The following SEC61A2 variants were observed in gnomAD, a reference collection of about 807,000 sequenced individuals.
SEC61A2 encodes SEC61 translocon subunit alpha 2.
SEC61A2 carries 28 observed loss-of-function variants against 59.9 expected under a neutral mutation model. The observed-to-expected ratio is 0.47, with a 90% CI of 0.35 to 0.64. SEC61A2 has a LOEUF of 0.64. Among genes scored for constraint, SEC61A2 ranks in the 30% least tolerant of loss-of-function variants. SEC61A2 has a pLI of 0.01. For missense variants in SEC61A2, 340 were observed against 585.9 expected (o/e 0.58, Z 4.33); for synonymous variants, 202 against 214.4 (o/e 0.94, Z 0.50).
At position 12,149,765 on chromosome 10, in the gene SEC61A2, G is replaced by C. The variant is rs765085815; in HGVS notation, c.352+39G>C. ...CAATTAAAGAGCATTCTCCAAATTTGAGAGTGCTCGTGGTAAAGATGTTTT... is the reference window on the plus strand; with the variant it reads ...CAATTAAAGAGCATTCTCCAAATTTCAGAGTGCTCGTGGTAAAGATGTTTT... On this transcript the variant is annotated intron_variant, in intron 5 of 11. Coordinates refer to ENST00000298428, the MANE Select transcript of SEC61A2 (RefSeq NM_018144.4). The surrounding 1 kb of genome is among the most constrained non-coding windows in gnomAD (Gnocchi z 5.2). The C allele has an allele frequency of 6.2e-6, 10 of 1,606,446 alleles. No individual in the cohort carries two copies. Among genetic ancestry groups the C allele is most frequent in the Admixed American group, 3.4e-5 (2 of 58,676 alleles).
chr10:12,167,190 G>T (rs2131692142), downstream of SEC61A2: 1 of 159,034 alleles, frequency 6.3e-6, no homozygotes, highest in South Asian at 1.8e-4. Flanking sequence ...CCCTACCCTA[G>T]TTGGATTCAA....
At position 12,164,539 on chromosome 10, in the gene SEC61A2, T is replaced by A; in HGVS notation, c.*85T>A. The stretch of plus-strand genomic sequence containing the variant: ...GTCAGATGACACTGGTGGCTCCCCT[T>A]TTCTCCCCTCACAGTTTCTTGTTTC... On this transcript the variant is annotated 3_prime_UTR_variant, in exon 12 of 12. Transcript: ENST00000298428. This position sits in a 1 kb window ranked among gnomAD's most constrained non-coding sequence, Gnocchi z 7.3. 1.3e-6 allele frequency: 2 copies of A among 1,528,644 alleles called. No homozygotes were observed. The highest frequency in any genetic ancestry group is 2.1e-5 in the Admixed American group (1 of 47,138). 94.7% of individuals were successfully genotyped at this position (1,528,644 alleles called of 1,614,324 possible).
In SEC61A2 at chr10:12,140,121, C is replaced by T. The variant is rs537701613; in HGVS notation, c.142-2996C>T. Reference sequence around the variant, plus strand: ...AATTACTTGATTGGCTACAGCTAGGCGTTTGCCTCATTTGATTATGTTCCA... The same window carrying T: ...AATTACTTGATTGGCTACAGCTAGGTGTTTGCCTCATTTGATTATGTTCCA... On this transcript the variant is annotated intron_variant, in intron 3 of 11. Transcript: ENST00000298428. Among the ~76,000 whole-genome samples, 4 of 152,212 alleles carry T rather than the reference C, an allele frequency of 2.6e-5. No individual in the cohort carries two copies. In the South Asian group the frequency reaches 8.3e-4, roughly 32 times the overall value.
intron 9 of SEC61A2, among the ~76,000 whole-genome samples, chr10:12,159,123 G>A (rs974752916): frequency 2.6e-5 from 4 of 151,570 alleles, no homozygotes; most frequent in East Asian, 2.0e-4. Flanking sequence ...GACTACAGGC[G>A]CCCGCCACCA....
chr10:12,164,470 A>G lies in SEC61A2; in HGVS notation c.*16A>G. The G allele has an allele frequency of 6.2e-7, 1 of 1,607,260 alleles. No homozygotes were observed. Among genetic ancestry groups the G allele is most frequent in the Non-Finnish European group, 8.5e-7 (1 of 1,175,996 alleles). The stretch of plus-strand genomic sequence containing the variant: ...GTTTTTCTAAATGTTCAAATATTTC[A>G]TTTTGTGCGTGTGAAAGGGAAAACA... On this transcript the variant is annotated 3_prime_UTR_variant, in exon 12 of 12. Coordinates refer to ENST00000298428, the MANE Select transcript of SEC61A2 (RefSeq NM_018144.4). The surrounding 1 kb of genome is among the most constrained non-coding windows in gnomAD (Gnocchi z 7.3).
In SEC61A2 at chr10:12,156,982, G is replaced by C. The variant is rs760023671; in HGVS notation, c.692G>C (p.Arg231Pro). 2 of 1,614,050 alleles carry C rather than the reference G, an allele frequency of 1.2e-6. No individual in the cohort carries two copies. The highest frequency in any genetic ancestry group is 1.7e-6 in the Non-Finnish European group (2 of 1,179,934). Residue 231 changes from arginine (R) to proline (P), a missense_variant, in exon 8 of 12, where the codon CGG becomes CCG. Arg to Pro is a moderately radical substitution (Grantham distance 103). Coordinates refer to ENST00000298428, the MANE Select transcript of SEC61A2 (RefSeq NM_018144.4). The surrounding 1 kb of genome is among the most constrained non-coding windows in gnomAD (Gnocchi z 5.2). ...ATRTDKVRALREAFYRQNLPN... is the reference protein window; with the variant it reads ...ATRTDKVRALPEAFYRQNLPN... ...AGGACGGACAAAGTCCGAGCTTTAC[G>C]GGAGGCTTTTTATCGGCAGAACTTA...
intron 9 of SEC61A2, among the ~76,000 whole-genome samples, chr10:12,159,546 C>T (rs770070475): frequency 9.9e-5 from 15 of 152,142 alleles, no homozygotes; most frequent in South Asian, 2.1e-4. Flanking sequence ...AAAAACTAGC[C>T]GGGCACAGTG....
rs1834622718 is a variant in SEC61A2 at position 12,164,661 on chromosome 10, TAAAA to T, written c.*211_*214del. The T allele has an allele frequency of 3.7e-6, 5 of 1,361,666 alleles. No homozygotes were observed. In the East Asian group the frequency reaches 1.5e-4, roughly 42 times the overall value. The allele number at this position is 1,361,666 out of a possible 1,614,324, so 84.3% of individuals were successfully genotyped here. A position where few individuals can be genotyped will look rare whatever the true frequency, so the allele number is the denominator to read the frequency against. On this transcript the variant is annotated 3_prime_UTR_variant, in exon 12 of 12. Coordinates refer to ENST00000298428, the MANE Select transcript of SEC61A2 (RefSeq NM_018144.4). The surrounding 1 kb of genome is among the most constrained non-coding windows in gnomAD (Gnocchi z 7.3). ...TAAAACTCAAGTTTACATTATTCAT[TAAAA>T]AAAGTACATCTAGTGTTGCCTGTAA...
rs569025827 is a variant in SEC61A2 at position 12,158,979 on chromosome 10, T to A, written c.975+874T>A. Among the ~76,000 whole-genome samples, 25 of 151,126 alleles carry A rather than the reference T, an allele frequency of 1.7e-4. No individual in the cohort carries two copies. The South Asian group carries it at 4.8e-3, about 29-fold the overall frequency. On this transcript the variant is annotated intron_variant, in intron 9 of 11. Coordinates refer to ENST00000298428, the MANE Select transcript of SEC61A2 (RefSeq NM_018144.4). This position sits in a 1 kb window ranked among gnomAD's most constrained non-coding sequence, Gnocchi z 5.7. ...ATACATCCCCCATCATAATTTTTTTTTCTTTTTTTTTTTTTTGAGACGGAG... is the reference window on the plus strand; with the variant it reads ...ATACATCCCCCATCATAATTTTTTTATCTTTTTTTTTTTTTTGAGACGGAG...
chr10:12,139,676 C>T (rs1168481964), intron 3 of SEC61A2, among the ~76,000 whole-genome samples: 5 of 151,432 alleles, frequency 3.3e-5, no homozygotes, highest in African/African-American at 7.3e-5. Context: ...CCCAGCTGCT[C>T]GGGAGGCTGA....
chr10:12,151,418 T>A (rs981958208), intron 6 of SEC61A2, among the ~76,000 whole-genome samples: 2 of 150,556 alleles, frequency 1.3e-5, no homozygotes, highest in African/African-American at 5.0e-5. Flanking sequence ...TTCAAGCGAT[T>A]TTCCTGCCTC....
downstream of SEC61A2, among the ~76,000 whole-genome samples, chr10:12,168,487 G>A (rs928570257): frequency 4.6e-5 from 7 of 152,180 alleles, no homozygotes; most frequent in Admixed American, 2.0e-4. This position sits in a 1 kb window ranked among gnomAD's most constrained non-coding sequence, Gnocchi z 4.8. Flanking sequence ...GGATACATAT[G>A]TTCCCCCGGC....
intron 1 of SEC61A2, among the ~76,000 whole-genome samples, chr10:12,132,865 A>AG (rs755159180): frequency 1.4e-4 from 22 of 152,306 alleles, no homozygotes; most frequent in Non-Finnish European, 2.4e-4. Flanking sequence ...CCCTTTGAAC[A>AG]GCCCCCTTTT....
chr10:12,156,892 G>A lies in SEC61A2; in HGVS notation c.617-15G>A. ...GACGATGAGTCCACAGGTCGTGTCT[G>A]TCTTGATTTTACAGGTACTGAGTTT... is the stretch of plus-strand genomic sequence containing the variant. On this transcript the variant is annotated splice_polypyrimidine_tract_variant and intron_variant, in intron 7 of 11. Coordinates refer to ENST00000298428, the MANE Select transcript of SEC61A2 (RefSeq NM_018144.4). This position sits in a 1 kb window ranked among gnomAD's most constrained non-coding sequence, Gnocchi z 5.2. 6.2e-7 allele frequency: 1 copy of A among 1,613,052 alleles called. No individual in the cohort carries two copies. Among genetic ancestry groups the A allele is most frequent in the Non-Finnish European group, 8.5e-7 (1 of 1,179,648 alleles).
chr10:12,166,898 A>C (rs1476745535), downstream of SEC61A2: 1 of 332,850 alleles, frequency 3.0e-6, no homozygotes, highest in African/African-American at 2.2e-5. Context: ...GGTTTCAGGT[A>C]CTGGCTGATC....
chr10:12,135,130 A>C (rs935549859), intron 2 of SEC61A2, among the ~76,000 whole-genome samples: 1 of 149,692 alleles, frequency 6.7e-6, no homozygotes, highest in Non-Finnish European at 1.5e-5. Flanking sequence ...GGGAGGGGGA[A>C]CATCACACAG....
In SEC61A2 at chr10:12,150,095, T is replaced by C. The variant is rs1015257901; in HGVS notation, c.462+134T>C. ...TATTTAATTCTAGTATTTTGATCAC[T>C]GAAGTGATACGTGTAAAATTTTTTT... is the stretch of plus-strand genomic sequence containing the variant. On this transcript the variant is annotated intron_variant, in intron 6 of 11. Transcript: ENST00000298428. 2.3e-4 allele frequency: 145 copies of C among 640,990 alleles called. No homozygotes were observed. The African/African-American group carries it at 2.4e-3, about 11-fold the overall frequency. 39.7% of individuals were successfully genotyped at this position (640,990 alleles called of 1,614,324 possible).
At chr10:12,131,321 T>G (rs1177388780) in intron 1 of SEC61A2, among the ~76,000 whole-genome samples, 1 of 152,182 alleles carries the variant, frequency 6.6e-6, no homozygotes, top group Non-Finnish European at 1.5e-5. Flanking sequence ...TAGAATCCAG[T>G]GTCTGTAGGG....
chr10:12,148,788 T>A (rs988641632), intron 4 of SEC61A2, among the ~76,000 whole-genome samples: 2 of 152,046 alleles, frequency 1.3e-5, no homozygotes, highest in African/African-American at 2.4e-5. Flanking sequence ...CCTCCCAAAG[T>A]GCTGGGATTA....
Sources: allele counts gnomAD v4.1 joint callset (sites outside exome capture counted in the v4.1 genomes callset), GRCh38; gene constraint gnomAD v4.1.1; non-coding constraint Gnocchi (gnomAD v3.1); transcripts MANE v1.5; gene names NCBI Gene and HGNC (gene_info 2026-07-23, HGNC 2026-07-21).